Variants in MAP7 observed in about 807,000 individuals in gnomAD.
MAP7 encodes ensconsin.
Under a neutral mutation model 94.8 loss-of-function variants are expected in MAP7, and 52 were observed. The observed-to-expected ratio is 0.55, with a 90% CI of 0.44 to 0.69. The LOEUF is 0.69. MAP7 is among the 30% of genes least tolerant of loss of function. The probability of loss-of-function intolerance (pLI) is 0.00; values close to 1 mark genes in which losing one functional copy is unlikely to be tolerated. For missense variants in MAP7, 940 were observed against 964.6 expected (o/e 0.97, Z 0.34); for synonymous variants, 350 against 357.0 (o/e 0.98, Z 0.22).
At chr6:136,538,721 G>A (rs1393637220) in intron 1 of MAP7, among the ~76,000 whole-genome samples, 1 of 145,372 alleles carries the variant, frequency 6.9e-6, no homozygotes, top group Non-Finnish European at 1.5e-5. Flanking sequence ...GAGCCCAGAT[G>A]TCAAAGCTGC....
intron 16 of MAP7, among the ~76,000 whole-genome samples, chr6:136,351,847 C>G (rs1789300603): frequency 6.6e-6 from 1 of 152,236 alleles, no homozygotes; most frequent in East Asian, 1.9e-4. Flanking sequence ...GCTTTCTGGT[C>G]GGTGTGTGCT....
intron 2 of MAP7, chr6:136,420,326 C>T (rs1035770871): frequency 1.7e-5 from 12 of 713,700 alleles, no homozygotes; most frequent in African/African-American, 3.4e-5. Flanking sequence ...CAACACCACC[C>T]GCTTGCCCTG....
intron 1 of MAP7, among the ~76,000 whole-genome samples, chr6:136,527,832 A>G (rs767011630): frequency 2.0e-5 from 3 of 152,026 alleles, no homozygotes; most frequent in Non-Finnish European, 4.4e-5. Context: ...GAGCAAACAC[A>G]TGCTGAAAAA....
At chr6:136,411,845 A>G in intron 2 of MAP7, 148 bp from the exon 3 acceptor site, 1 of 604,184 alleles carries the variant, frequency 1.7e-6, no homozygotes, top group Non-Finnish European at 2.8e-6. Flanking sequence ...GACTAGAGTT[A>G]CAGTGATCTA....
chr6:136,531,883 G>A (rs1199517670), intron 1 of MAP7, among the ~76,000 whole-genome samples: 1 of 152,122 alleles, frequency 6.6e-6, no homozygotes, highest in Non-Finnish European at 1.5e-5. Flanking sequence ...AGATTAATAT[G>A]AGAACAAGTG....
At chr6:136,476,612 A>G (rs1196794746) in intron 1 of MAP7, among the ~76,000 whole-genome samples, 1 of 152,228 alleles carries the variant, frequency 6.6e-6, no homozygotes, top group East Asian at 1.9e-4. Flanking sequence ...TCAAGTTCGT[A>G]TGACTAGTGA....
At chr6:136,549,473 G>C (rs1040739075) in intron 1 of MAP7, among the ~76,000 whole-genome samples, 2 of 152,138 alleles carry the variant, frequency 1.3e-5, no homozygotes, top group Non-Finnish European at 2.9e-5. Flanking sequence ...TCATACTATG[G>C]AGAGATGGGC....
At chr6:136,478,700 A>G (rs1335380384) in intron 1 of MAP7, among the ~76,000 whole-genome samples, 1 of 152,136 alleles carries the variant, frequency 6.6e-6, no homozygotes, top group African/African-American at 2.4e-5. Flanking sequence ...CCTAGAAGAA[A>G]TGGATAAATT....
Position 136,377,350 on chromosome 6 carries a change from T to C in MAP7, c.751+405A>G, listed in dbSNP as rs73559059. Among the ~76,000 whole-genome samples the C allele has an allele frequency of 9.0e-3, 1,375 of 152,360 alleles. 20 individuals carry two copies. The highest frequency in any genetic ancestry group is 0.039 in the East Asian group (201 of 5,192). ...GCCACAGCCACATTATGAAACTATA[T>C]GCTGAAATAACAGACTTGCGCTTTG... On this transcript the variant is annotated intron_variant, in intron 7 of 17. Transcript: ENST00000354570.
chr6:136,345,894 A>C lies in MAP7; in HGVS notation c.2201T>G (p.Leu734Arg), dbSNP rs761806568. 1.2e-5 allele frequency: 19 copies of C among 1,614,192 alleles called. No homozygotes were observed. In the South Asian group the frequency reaches 2.1e-4, roughly 18 times the overall value. The part of the protein sequence containing the change: ...AFDDEGTLGP[L>R]PQVDGVQTQQ... ...TGTCTGAACACCATCTACCTGAGGC[A>C]GGGGCCCAAGTGTCCCTTCATCATC... Residue 734 changes from leucine (L) to arginine (R), a missense_variant, in exon 17 of 18, where the codon CTG becomes CGG. Transcript: ENST00000354570.
intron 1 of MAP7, among the ~76,000 whole-genome samples, chr6:136,464,414 C>T (rs1806265819): frequency 6.6e-6 from 1 of 152,208 alleles, no homozygotes; most frequent in Non-Finnish European, 1.5e-5. Flanking sequence ...ACCACATTCA[C>T]GTAACTCCTA....
At chr6:136,499,792 A>G (rs538681591) in intron 1 of MAP7, among the ~76,000 whole-genome samples, 1 of 152,074 alleles carries the variant, frequency 6.6e-6, no homozygotes, top group Admixed American at 6.5e-5. Flanking sequence ...TGAGTCCAGG[A>G]GTTCCAGACC....
chr6:136,462,186 AG>A (rs1167603538), intron 1 of MAP7, among the ~76,000 whole-genome samples: 2 of 149,962 alleles, frequency 1.3e-5, no homozygotes, highest in African/African-American at 4.9e-5. Flanking sequence ...AAAAAAAAAA[AG>A]ATGGTATACC....
intron 1 of MAP7, among the ~76,000 whole-genome samples, chr6:136,428,903 G>A (rs986261784): frequency 6.6e-6 from 1 of 152,178 alleles, no homozygotes; most frequent in African/African-American, 2.4e-5. Flanking sequence ...ATGTGAAGTA[G>A]ACGTGACCTT....
chr6:136,454,722 C>T (rs1277557772), intron 1 of MAP7, among the ~76,000 whole-genome samples: 3 of 151,934 alleles, frequency 2.0e-5, no homozygotes, highest in Admixed American at 6.6e-5. Flanking sequence ...CTGGGCAACA[C>T]GGCAAGACCC....
chr6:136,428,590 CAT>C (rs772686580), intron 1 of MAP7, among the ~76,000 whole-genome samples: 14 of 152,078 alleles, frequency 9.2e-5, no homozygotes, highest in East Asian at 1.9e-4. Context: ...AAAAACCTAA[CAT>C]GTGATAGGAA....
At chr6:136,454,749 G>T (rs1428721130) in intron 1 of MAP7, among the ~76,000 whole-genome samples, 1 of 151,964 alleles carries the variant, frequency 6.6e-6, no homozygotes, top group Non-Finnish European at 1.5e-5. Flanking sequence ...TTAAAAAAAA[G>T]TTAGCCAGGT....
rs558809248 is a variant in MAP7 at position 136,510,912 on chromosome 6, G to C, written c.67+39430C>G. ...GTATGGAAACATCTAGCATAGGGTA[G>C]GGAGCAAATCATTGTTTGCTGAATC... On this transcript the variant is annotated intron_variant, in intron 1 of 17. Coordinates refer to ENST00000354570, the MANE Select transcript of MAP7 (RefSeq NM_003980.6). Among the ~76,000 whole-genome samples, 12 of 152,102 alleles carry C rather than the reference G, an allele frequency of 7.9e-5. No homozygotes were observed. In the South Asian group the frequency reaches 2.5e-3, roughly 32 times the overall value.
intron 1 of MAP7, among the ~76,000 whole-genome samples, chr6:136,522,684 A>C (rs1826743566): frequency 6.6e-6 from 1 of 152,162 alleles, no homozygotes; most frequent in African/African-American, 2.4e-5. Context: ...AGTCACACAC[A>C]AAAAATAAAC....
Sources: allele counts gnomAD v4.1 joint callset (sites outside exome capture counted in the v4.1 genomes callset), GRCh38; gene constraint gnomAD v4.1.1; transcripts MANE v1.5; gene names NCBI Gene and HGNC (gene_info 2026-07-23, HGNC 2026-07-21).